TMEM165: variants seen among roughly 807,000 people sequenced by gnomAD.
TMEM165 encodes putative divalent cation/proton antiporter TMEM165.
In TMEM165, 19 loss-of-function variants were observed where a neutral mutation model predicts 30.0. That is an observed-to-expected ratio of 0.63 (90% CI 0.44 to 0.93). TMEM165 has a LOEUF of 0.93. Among genes scored for constraint, TMEM165 ranks in the 40% least tolerant of loss-of-function variants. The pLI is 0.00. For missense variants in TMEM165, 340 were observed against 417.0 expected (o/e 0.82, Z 1.61); for synonymous variants, 168 against 162.9 (o/e 1.03, Z -0.24).
At chr4:55,426,572 G>C (rs1722209917), downstream of TMEM165, among the ~76,000 whole-genome samples, 1 of 152,138 alleles carries the variant, frequency 6.6e-6, no homozygotes, top group Admixed American at 6.5e-5. Flanking sequence ...TTATATTCTA[G>C]AATCATATGC....
intron 3 of TMEM165, 91 bp from the exon 4 acceptor site, chr4:55,417,712 A>G: frequency 3.7e-6 from 4 of 1,084,476 alleles, no homozygotes; most frequent in Non-Finnish European, 1.3e-6. Context: ...CATATTTCAT[A>G]GAATTTAAAC....
At chr4:55,426,890 G>T (rs1471565924), downstream of TMEM165, among the ~76,000 whole-genome samples, 1 of 152,072 alleles carries the variant, frequency 6.6e-6, no homozygotes, top group African/African-American at 2.4e-5. Flanking sequence ...TGGTAAAAAA[G>T]GTCATATTTG....
intron 3 of TMEM165, chr4:55,450,130 A>C (rs148913372): frequency 4.3e-6 from 7 of 1,614,124 alleles, no homozygotes; most frequent in Non-Finnish European, 3.4e-6. Flanking sequence ...GATTTTCTTG[A>C]ACTCCGAGAA....
chr4:55,402,599 C>T (rs1560387460), intron 1 of TMEM165, among the ~76,000 whole-genome samples: 1 of 143,698 alleles, frequency 7.0e-6, no homozygotes, highest in African/African-American at 2.8e-5. Context: ...AGGTGCATGC[C>T]ACCACGCCCA....
chr4:55,396,821 C>T (rs1477301608), intron 1 of TMEM165, among the ~76,000 whole-genome samples: 1 of 152,170 alleles, frequency 6.6e-6, no homozygotes, highest in African/African-American at 2.4e-5. Flanking sequence ...ACTGCTTACC[C>T]AAATTCAACT....
chr4:55,420,983 A>G (rs1721951748), intron 4 of TMEM165, among the ~76,000 whole-genome samples: 1 of 152,024 alleles, frequency 6.6e-6, no homozygotes, highest in African/African-American at 2.4e-5. Context: ...AAATCACCTG[A>G]GGTCAGGAGC....
At chr4:55,438,032 G>A (rs1221545989) in intron 3 of TMEM165, among the ~76,000 whole-genome samples, 1 of 152,144 alleles carries the variant, frequency 6.6e-6, no homozygotes, top group East Asian at 1.9e-4. Context: ...CAGGAAGTAG[G>A]CCACTCACTC....
chr4:55,403,658 G>A (rs563339989), intron 1 of TMEM165, among the ~76,000 whole-genome samples: 1 of 151,898 alleles, frequency 6.6e-6, no homozygotes, highest in Non-Finnish European at 1.5e-5. Context: ...TGAAATAGTG[G>A]TATTTGTACC....
At chr4:55,450,333 T>TAGACAAA in intron 3 of TMEM165, 1 of 1,400,530 alleles carries the variant, frequency 7.1e-7, no homozygotes, top group Non-Finnish European at 1.0e-6. Context: ...TTTTTGTCTA[T>TAGACAAA]AACAAGGCAA....
chr4:55,396,802 T>C (rs1720747786), intron 1 of TMEM165, among the ~76,000 whole-genome samples: 1 of 152,202 alleles, frequency 6.6e-6, no homozygotes, highest in Admixed American at 6.5e-5. Context: ...TTGAAATAGC[T>C]TATGCCAAAC....
downstream of TMEM165, among the ~76,000 whole-genome samples, chr4:55,426,567 T>G (rs749221577): frequency 2.0e-5 from 3 of 152,238 alleles, no homozygotes; most frequent in Non-Finnish European, 4.4e-5. Context: ...GCCTTTTATA[T>G]TCTAGAATCA....
intron 3 of TMEM165, chr4:55,450,167 A>T: frequency 6.2e-7 from 1 of 1,614,050 alleles, no homozygotes; most frequent in South Asian, 1.1e-5. Context: ...GGCTGTGATC[A>T]AACCTTTCCA....
Position 55,417,241 on chromosome 4 carries a change from T to C in TMEM165, c.603T>C (p.Asp201=), listed in dbSNP as rs145661285. 1.3e-4 allele frequency: 212 copies of C among 1,612,092 alleles called. No individual in the cohort carries two copies. In the African/African-American group the frequency reaches 2.6e-3, roughly 19 times the overall value. The change falls in exon 3 of 6, where the codon GAT becomes GAC. Residue 201 remains aspartate (D), a synonymous_variant. Coordinates refer to ENST00000381334, the MANE Select transcript of TMEM165 (RefSeq NM_018475.5). Reference sequence around the variant, plus strand: ...TTCAAGCTGAATTAAAGAAGAAAGATGAAGAAGTAAGCCATGGCACTGTTG... The same window carrying C: ...TTCAAGCTGAATTAAAGAAGAAAGACGAAGAAGTAAGCCATGGCACTGTTG... ...EEVQAELKKK[D]EEFQRTKLLN...
chr4:55,397,910 A>ATT (rs71194549), intron 1 of TMEM165, among the ~76,000 whole-genome samples: 22 of 147,970 alleles, frequency 1.5e-4, no homozygotes, highest in African/African-American at 3.3e-4. Flanking sequence ...ATTTTTGTTT[A>ATT]TTTTTTTTTT....
At chr4:55,424,773 T>C (rs201559734) in intron 5 of TMEM165, 130 bp downstream of exon 5, 1 of 658,054 alleles carries the variant, frequency 1.5e-6, no homozygotes, top group Non-Finnish European at 2.6e-6. Flanking sequence ...CCATCTCTTA[T>C]AGAGGTATTA....
intron 5 of TMEM165, among the ~76,000 whole-genome samples, chr4:55,425,117 A>G (rs988019102): frequency 1.3e-5 from 2 of 152,226 alleles, no homozygotes; most frequent in Admixed American, 6.5e-5. Context: ...GTTGCTTGCC[A>G]GCACTGTCTG....
chr4:55,411,662 G>C lies in TMEM165; in HGVS notation c.256G>C (p.Ala86Pro). 1 of 1,614,068 alleles carries C rather than the reference G, an allele frequency of 6.2e-7. No individual in the cohort carries two copies. The highest frequency in any genetic ancestry group is 8.5e-7 in the Non-Finnish European group (1 of 1,180,012). ...APVHTNKEDP[A>P]TQTNLGFIHA... ...AGTTCATACCAATAAAGAAGATCCTGCTACCCAAACTAATTTGGGATTTAT... is the reference window on the plus strand; with the variant it reads ...AGTTCATACCAATAAAGAAGATCCTCCTACCCAAACTAATTTGGGATTTAT... Residue 86 changes from alanine to proline, a missense_variant, in exon 2 of 6, where the codon GCT (alanine) becomes CCT (proline). This residue lies in a region of TMEM165 where 220 missense variants were observed against 307.6 expected (regional missense o/e 0.72). Transcript: ENST00000381334.
At chr4:55,437,423 G>C (rs1434694260) in intron 3 of TMEM165, among the ~76,000 whole-genome samples, 1 of 152,196 alleles carries the variant, frequency 6.6e-6, no homozygotes, top group Non-Finnish European at 1.5e-5. Context: ...CTGAGGTCCA[G>C]ATAAGGGTTT....
At chr4:55,400,363 TTAA>T (rs1720941983) in intron 1 of TMEM165, among the ~76,000 whole-genome samples, 1 of 55,980 alleles carries the variant, frequency 1.8e-5, no homozygotes, top group African/African-American at 5.2e-5. Flanking sequence ...ATTAATATAA[TTAA>T]TTATATTAAT....
Sources: allele counts gnomAD v4.1 joint callset (sites outside exome capture counted in the v4.1 genomes callset), GRCh38; gene constraint gnomAD v4.1.1; regional missense constraint gnomAD v4.1.1; transcripts MANE v1.5; gene names NCBI Gene and HGNC (gene_info 2026-07-23, HGNC 2026-07-21).